The following SLC1A5 variants were observed in gnomAD, a reference collection of about 807,000 sequenced individuals.
SLC1A5 encodes solute carrier family 1 member 5.
In SLC1A5, 25 loss-of-function variants were observed where a neutral mutation model predicts 34.9. The ratio of observed to expected loss-of-function variants is 0.72; its 90% confidence interval spans 0.52 to 1.00. The LOEUF is 1.00. SLC1A5 is among the 50% of genes least tolerant of loss of function. The pLI is 0.00. For missense variants in SLC1A5, 637 were observed against 740.0 expected, an observed-to-expected ratio of 0.86 and a Z score of 1.61; for synonymous variants, 351 against 341.2, an observed-to-expected ratio of 1.03 and a Z score of -0.32.
chr19:46,781,369 T>C (rs1424409987), intron 4 of SLC1A5, among the ~76,000 whole-genome samples: 5 of 151,952 alleles, frequency 3.3e-5, no homozygotes, highest in Non-Finnish European at 4.4e-5. Context: ...GAGGCCGAGG[T>C]GGGCGGATCA....
chr19:46,781,935 T>C (rs918948567), intron 4 of SLC1A5, among the ~76,000 whole-genome samples: 1 of 152,172 alleles, frequency 6.6e-6, no homozygotes, highest in African/African-American at 2.4e-5. Context: ...AGAGTTTCCC[T>C]CTGTCGCCCA....
At chr19:46,784,947 A>G in intron 1 of SLC1A5, 1 of 1,151,610 alleles carries the variant, frequency 8.7e-7, no homozygotes, top group Non-Finnish European at 1.1e-6. Flanking sequence ...AGCGGCTCTG[A>G]GAGTATGGGG....
intron 1 of SLC1A5, among the ~76,000 whole-genome samples, chr19:46,786,735 C>T (rs2055189358): frequency 6.6e-6 from 1 of 152,222 alleles, no homozygotes; most frequent in Admixed American, 6.5e-5. Flanking sequence ...AAAGAATCTG[C>T]TCCCCTTTCT....
chr19:46,778,199 T>C (rs1292131162), intron 5 of SLC1A5, among the ~76,000 whole-genome samples: 2 of 152,066 alleles, frequency 1.3e-5, no homozygotes, highest in African/African-American at 4.8e-5. Flanking sequence ...GAGGCCAAGG[T>C]GGGCGGATCA....
intron 4 of SLC1A5, among the ~76,000 whole-genome samples, chr19:46,780,168 A>T (rs2055134659): frequency 6.6e-6 from 1 of 150,984 alleles, no homozygotes; most frequent in Admixed American, 6.6e-5. Flanking sequence ...TTTCTTAAAC[A>T]ACAACAACAA....
intron 7 of SLC1A5, chr19:46,776,609 A>T (rs1282574447): frequency 9.8e-6 from 2 of 204,566 alleles, no homozygotes; most frequent in African/African-American, 4.6e-5. Flanking sequence ...TGTGTCTGTT[A>T]TCTAATCCTT....
rs763272417 is a variant in SLC1A5, at chr19:46,787,726, C to T, written c.240G>A (p.Ala80=). 1.1e-5 allele frequency: 17 copies of T among 1,567,170 alleles called. No individual in the cohort carries two copies. The highest frequency in any genetic ancestry group is 1.4e-5 in the Non-Finnish European group (16 of 1,160,890). ...AGGCGCTCAAGCGCTCCGGGCCCAA[C>T]GCCAGCGCACCCCCGGCCCCCGACA... ...LGVSGAGGAL[A]LGPERLSAFV... is the part of the protein sequence containing the mutation. The change falls in exon 1 of 8, where the codon GCG becomes GCA. Residue 80 remains alanine (A), a synonymous_variant. Transcript: ENST00000542575. The surrounding 1 kb of genome is among the most constrained non-coding windows in gnomAD (Gnocchi z 5.2).
Position 46,782,387 on chromosome 19 carries a change from T to G in SLC1A5, c.820A>C (p.Met274Leu). Reference protein sequence around the residue: ...EATMVLVSWIMWYAPVGIMFL... With the variant: ...EATMVLVSWILWYAPVGIMFL... Reference sequence around the variant, plus strand: ...GCCTCCTCTCCCACCACCTACCACATGATCCAGGAGACCAGAACCATGGTG... The same window carrying G: ...GCCTCCTCTCCCACCACCTACCACAGGATCCAGGAGACCAGAACCATGGTG... The change falls in exon 4 of 8, where the codon ATG becomes CTG. Residue 274 changes from methionine to leucine, a missense_variant. Met to Leu is a conservative substitution (Grantham distance 15). Transcript: ENST00000542575. 1.2e-6 allele frequency: 1 copy of G among 858,732 alleles called. No homozygotes were observed. The highest frequency in any genetic ancestry group is 1.7e-6 in the Non-Finnish European group (1 of 584,946). 53.2% of individuals were successfully genotyped at this position (858,732 alleles called of 1,614,324 possible).
intron 4 of SLC1A5, 41 bp downstream of exon 4, chr19:46,782,342 T>TCCCACCCCCCCCCCCC: frequency 1.9e-6 from 1 of 523,372 alleles, no homozygotes; most frequent in Non-Finnish European, 3.5e-6. Context: ...AGACCGACCC[T>TCCCACCCCCCCCCCCC]CCAACCCCAC....
chr19:46,777,157 A>G (rs745394210), intron 6 of SLC1A5, 48 bp from the exon 7 acceptor site: 2 of 1,607,662 alleles, frequency 1.2e-6, no homozygotes, highest in East Asian at 4.5e-5. Flanking sequence ...TTGTGGGAGA[A>G]GATGGGGGTC....
rs1317408463 is a variant in SLC1A5, at chr19:46,775,606, C to T, written c.1530G>A (p.Leu510=). 6.2e-7 allele frequency: 1 copy of T among 1,614,136 alleles called. No individual in the cohort carries two copies. The highest frequency in any genetic ancestry group is 1.7e-5 in the Admixed American group (1 of 59,998). ...QVKSELPLDP[L]PVPTEEGNPL... Reference sequence around the variant, plus strand: ...GGTTTCCTTCCTCAGTGGGGACTGGCAGCGGATCCAGGGGCAGCTCACTCT... The same window carrying T: ...GGTTTCCTTCCTCAGTGGGGACTGGTAGCGGATCCAGGGGCAGCTCACTCT... Residue 510 remains leucine (L), a synonymous_variant, in exon 8 of 8, where the codon CTG becomes CTA. Transcript: ENST00000542575.
In SLC1A5 at chr19:46,777,108, C is replaced by G; in HGVS notation, c.1255G>C (p.Val419Leu). 2 of 1,613,514 alleles carry G rather than the reference C, an allele frequency of 1.2e-6. No homozygotes were observed. The highest frequency in any genetic ancestry group is 8.5e-7 in the Non-Finnish European group (1 of 1,179,782). ...CCCACGCTGGACGCTGTGGCCGTGA[C>G]CCTGAGGGAGAAGGTGGGAGGTTAG... ...LDFVKIITIL[V>L]TATASSVGAA... is the part of the protein sequence containing the mutation. Residue 419 changes from valine to leucine, a missense_variant and splice_region_variant, in exon 7 of 8, where the codon GTC (valine) becomes CTC (leucine). By Grantham distance (32) the Val-to-Leu change is conservative. Transcript: ENST00000542575.
intron 4 of SLC1A5, among the ~76,000 whole-genome samples, chr19:46,781,658 G>A (rs1021756680): frequency 1.1e-4 from 16 of 152,010 alleles, no homozygotes; most frequent in African/African-American, 3.4e-4. Flanking sequence ...CTCGATCATC[G>A]GTCGCCCATC....
intron 4 of SLC1A5, among the ~76,000 whole-genome samples, chr19:46,779,215 G>A (rs1411419827): frequency 2.6e-5 from 4 of 151,022 alleles, no homozygotes; most frequent in South Asian, 2.1e-4. Flanking sequence ...ACCTGAGGTC[G>A]GGAGTTCAAG....
chr19:46,775,785 G>C, intron 7 of SLC1A5, 38 bp from the exon 8 acceptor site: 1 of 1,596,400 alleles, frequency 6.3e-7, no homozygotes, highest in Non-Finnish European at 8.6e-7. Context: ...AAGCGGGAGG[G>C]GAGAGGGTGA....
intron 3 of SLC1A5, 111 bp downstream of exon 3, chr19:46,783,986 A>G: frequency 1.3e-6 from 1 of 794,424 alleles, no homozygotes; most frequent in Non-Finnish European, 2.2e-6. Flanking sequence ...TTGGGGAAGG[A>G]CTGCAGAGTG....
intron 4 of SLC1A5, among the ~76,000 whole-genome samples, chr19:46,779,516 G>A (rs2055128411): frequency 6.6e-6 from 1 of 151,366 alleles, no homozygotes; most frequent in African/African-American, 2.4e-5. Context: ...AGAAAGAAAT[G>A]TCCATCAAGG....
chr19:46,782,342 T>TCCCACCCCCCCCCCCCCCCCCCC, intron 4 of SLC1A5, 41 bp downstream of exon 4: 1 of 523,372 alleles, frequency 1.9e-6, no homozygotes, highest in Non-Finnish European at 3.5e-6. Flanking sequence ...AGACCGACCC[T>TCCCACCCCCCCCCCCCCCCCCCC]CCAACCCCAC....
At position 46,787,155 on chromosome 19, in the gene SLC1A5, C is replaced by A. The variant is rs2055192266; in HGVS notation, c.566+245G>T. ...CAGACCCTCCTATGTCTCCCCAAATCACTTTCTTCTCCCTCTATAAGACCC... is the reference window on the plus strand; with the variant it reads ...CAGACCCTCCTATGTCTCCCCAAATAACTTTCTTCTCCCTCTATAAGACCC... On this transcript the variant is annotated intron_variant, in intron 1 of 7. Transcript: ENST00000542575. The surrounding 1 kb of genome is among the most constrained non-coding windows in gnomAD (Gnocchi z 5.2). 5.0e-6 allele frequency: 6 copies of A among 1,192,384 alleles called. No individual in the cohort carries two copies. The highest frequency in any genetic ancestry group is 6.6e-6 in the Non-Finnish European group (6 of 907,896). 73.9% of individuals were successfully genotyped at this position (1,192,384 alleles called of 1,614,324 possible).
Sources: allele counts gnomAD v4.1 joint callset (sites outside exome capture counted in the v4.1 genomes callset), GRCh38; gene constraint gnomAD v4.1.1; non-coding constraint Gnocchi (gnomAD v3.1); transcripts MANE v1.5; gene names NCBI Gene and HGNC (gene_info 2026-07-23, HGNC 2026-07-21).